The following TAOK3 variants were observed in gnomAD, a reference collection of about 807,000 sequenced individuals.
TAOK3 encodes the protein TAO kinase 3, also known as serine/threonine-protein kinase TAO3.
In TAOK3, 40 loss-of-function variants were observed where a neutral mutation model predicts 120.4. The observed-to-expected ratio is 0.33, with a 90% CI of 0.26 to 0.43. The LOEUF (loss-of-function observed/expected upper bound fraction) is 0.43, where lower values mean the gene tolerates loss of function less well. TAOK3 is among the 20% of genes least tolerant of loss of function. The probability of loss-of-function intolerance (pLI) is 1.00; values close to 1 mark genes in which losing one functional copy is unlikely to be tolerated. For synonymous variants in TAOK3, 355 were observed against 387.5 expected (o/e 0.92, Z 0.99); for missense variants, 821 against 1,112.1 (o/e 0.74, Z 3.72).
intron 1 of TAOK3, among the ~76,000 whole-genome samples, chr12:118,267,050 C>T (rs570123837): frequency 6.6e-6 from 1 of 152,246 alleles, no homozygotes; most frequent in South Asian, 2.1e-4. Flanking sequence ...TACCAGTAGA[C>T]AGCACTAATC....
chr12:118,185,690 A>G (rs1288189112), intron 14 of TAOK3, among the ~76,000 whole-genome samples: 4 of 152,248 alleles, frequency 2.6e-5, no homozygotes, highest in Non-Finnish European at 5.9e-5. Flanking sequence ...TTATAAAAGA[A>G]TATGTTACAT....
chr12:118,173,995 C>T (rs1175174738), intron 16 of TAOK3, among the ~76,000 whole-genome samples: 1 of 152,158 alleles, frequency 6.6e-6, no homozygotes, highest in Non-Finnish European at 1.5e-5. Flanking sequence ...GTGTTGTTTT[C>T]AGAGTAAGCT....
intron 9 of TAOK3, among the ~76,000 whole-genome samples, chr12:118,228,587 T>C (rs1043895110): frequency 2.0e-4 from 30 of 152,236 alleles, no homozygotes; most frequent in African/African-American, 7.0e-4. Context: ...TTATCCATGA[T>C]GATACATGTA....
At chr12:118,166,814 G>GTA (rs535817182) in intron 17 of TAOK3, among the ~76,000 whole-genome samples, 288 of 138,996 alleles carry the variant, frequency 2.1e-3, no homozygotes, top group Middle Eastern at 3.8e-3. Context: ...GTGTGTGTGT[G>GTA]TATATATATA....
chr12:118,159,138 T>C (rs1409985285), intron 19 of TAOK3, among the ~76,000 whole-genome samples: 1 of 152,140 alleles, frequency 6.6e-6, no homozygotes, highest in African/African-American at 2.4e-5. Context: ...TGTCTCCATA[T>C]ATTTTCCTCT....
chr12:118,184,824 A>T (rs76816296), intron 14 of TAOK3, among the ~76,000 whole-genome samples: 1 of 152,350 alleles, frequency 6.6e-6, no homozygotes, highest in Non-Finnish European at 1.5e-5. Context: ...ATCTCTTACT[A>T]TATAATTGAC....
chr12:118,364,921 G>A (rs1228063558), intron 1 of TAOK3, among the ~76,000 whole-genome samples: 4 of 152,080 alleles, frequency 2.6e-5, no homozygotes, highest in Admixed American at 2.6e-4. Flanking sequence ...ATAATAAACA[G>A]CTACCATTAA....
At position 118,356,863 on chromosome 12, in the gene TAOK3, A is replaced by G. The variant is rs1273400405; in HGVS notation, c.-194+15785T>C. Reference sequence around the variant, plus strand: ...CTTGAGCTCAGGAGTTCAAGGCAGCAGTGAGCTATGACTGTGCCACTGCAC... The same window carrying G: ...CTTGAGCTCAGGAGTTCAAGGCAGCGGTGAGCTATGACTGTGCCACTGCAC... On this transcript the variant is annotated intron_variant, in intron 1 of 20. Coordinates refer to ENST00000392533, the MANE Select transcript of TAOK3 (RefSeq NM_016281.4). 2.0e-5 allele frequency among the ~76,000 whole-genome samples: 3 copies of G among 152,190 alleles called. 1 individual carries two copies. Among genetic ancestry groups the G allele is most frequent in the South Asian group, 4.1e-4 (2 of 4,836 alleles).
chr12:118,194,157 G>C (rs977276251), intron 13 of TAOK3, among the ~76,000 whole-genome samples: 1 of 152,284 alleles, frequency 6.6e-6, no homozygotes, highest in East Asian at 1.9e-4. Context: ...GGTGCGGGGG[G>C]ATGTATCTAA....
At chr12:118,291,649 T>TATCA (rs2140532716) in intron 1 of TAOK3, among the ~76,000 whole-genome samples, 2 of 152,280 alleles carry the variant, frequency 1.3e-5, no homozygotes, top group Admixed American at 1.3e-4. Flanking sequence ...ATTTCAGAAT[T>TATCA]ATCAGCACTC....
intron 1 of TAOK3, among the ~76,000 whole-genome samples, chr12:118,321,237 T>C (rs183423793): frequency 1.5e-3 from 231 of 150,678 alleles, no homozygotes; most frequent in Non-Finnish European, 2.0e-3. Context: ...TACATGCAAA[T>C]ACACACACAC....
At position 118,235,540 on chromosome 12, in the gene TAOK3, T is replaced by C. The variant is rs1314080197; in HGVS notation, c.551+18A>G. The C allele has an allele frequency of 4.4e-6, 7 of 1,586,784 alleles. No homozygotes were observed. The highest frequency in any genetic ancestry group is 2.2e-5 in the East Asian group (1 of 44,748). Reference sequence around the variant, plus strand: ...ATGCAGATTTTAAAACTATGTCATATAGCCTAATTCTACATACCAGTAAGG... The same window carrying C: ...ATGCAGATTTTAAAACTATGTCATACAGCCTAATTCTACATACCAGTAAGG... On this transcript the variant is annotated intron_variant, in intron 8 of 20. Transcript: ENST00000392533.
chr12:118,351,934 C>T (rs1239231061), intron 1 of TAOK3, among the ~76,000 whole-genome samples: 4 of 140,148 alleles, frequency 2.9e-5, no homozygotes, highest in African/African-American at 1.1e-4. Context: ...ACTGCAGTGG[C>T]GCTATCTTGG....
chr12:118,177,101 C>T, intron 16 of TAOK3, 100 bp downstream of exon 16: 1 of 1,279,344 alleles, frequency 7.8e-7, no homozygotes, highest in South Asian at 1.4e-5. Context: ...AAGTTTGAGA[C>T]TCACTGGACT....
intron 1 of TAOK3, among the ~76,000 whole-genome samples, chr12:118,309,511 G>A (rs1261770694): frequency 6.6e-6 from 1 of 150,654 alleles, no homozygotes; most frequent in African/African-American, 2.4e-5. Flanking sequence ...TCAAATGGTG[G>A]TTTTCTTTCC....
At chr12:118,241,345 A>G (rs2040242811) in intron 5 of TAOK3, among the ~76,000 whole-genome samples, 1 of 152,084 alleles carries the variant, frequency 6.6e-6, no homozygotes, top group Admixed American at 6.6e-5. Context: ...TTTTTCTTTA[A>G]TCAATTTTGA....
At chr12:118,235,930 G>A in intron 7 of TAOK3, 3 of 329,302 alleles carry the variant, frequency 9.1e-6, no homozygotes, top group African/African-American at 2.1e-5. Context: ...GAATACAAAT[G>A]AGAAAAAAGG....
intron 1 of TAOK3, among the ~76,000 whole-genome samples, chr12:118,299,669 C>T (rs1013013783): frequency 6.6e-6 from 1 of 152,070 alleles, no homozygotes; most frequent in Non-Finnish European, 1.5e-5. Flanking sequence ...ACCACCACGC[C>T]CGACTAACTT....
intron 13 of TAOK3, among the ~76,000 whole-genome samples, chr12:118,194,892 G>T (rs1028426554): frequency 3.9e-5 from 6 of 152,014 alleles, no homozygotes; most frequent in African/African-American, 1.4e-4. Context: ...GAGATTACAG[G>T]CGCGTGCCAC....
Sources: gnomAD v4.1 joint callset for allele counts (sites outside exome capture counted in the v4.1 genomes callset) on GRCh38, gnomAD v4.1.1 for gene constraint, MANE v1.5 for transcripts, NCBI Gene and HGNC (gene_info 2026-07-23, HGNC 2026-07-21) for gene names.